The following DCC variants were observed in gnomAD, a reference collection of about 807,000 sequenced individuals.
The protein encoded by DCC is DCC netrin 1 receptor, also known as netrin receptor DCC.
In DCC, 58 loss-of-function variants were observed where a neutral mutation model predicts 172.5. The ratio of observed to expected loss-of-function variants is 0.34; its 90% CI spans 0.27 to 0.42. DCC has a LOEUF of 0.42. Ranked by LOEUF, DCC falls within the 10% of genes least tolerant of loss-of-function variation. DCC has a pLI of 1.00. For missense variants in DCC, 1,740 were observed against 1,791.0 expected, an observed-to-expected ratio of 0.97 and a Z score of 0.51; for synonymous variants, 709 against 644.5, an observed-to-expected ratio of 1.10 and a Z score of -1.52.
intron 13 of DCC, among the ~76,000 whole-genome samples, chr18:53,321,065 C>T (rs1300667525): frequency 3.3e-5 from 5 of 152,152 alleles, no homozygotes; most frequent in Non-Finnish European, 7.4e-5. Flanking sequence ...AGTTTGAATT[C>T]CCCTTACTAC....
intron 3 of DCC, among the ~76,000 whole-genome samples, chr18:52,909,993 G>T (rs62099018): frequency 0.011 from 1,679 of 152,238 alleles, 18 homozygotes; most frequent in Non-Finnish European, 0.017. Flanking sequence ...CTTTTCAGGC[G>T]AACTGTATAT....
intron 1 of DCC, among the ~76,000 whole-genome samples, chr18:52,716,469 C>T (rs1163861552): frequency 7.2e-5 from 11 of 152,162 alleles, no homozygotes; most frequent in Non-Finnish European, 1.5e-4. Context: ...AGCTGCTCTG[C>T]TTGTTGAAAC....
At chr18:52,464,490 A>G (rs1198194425) in intron 1 of DCC, among the ~76,000 whole-genome samples, 5 of 152,194 alleles carry the variant, frequency 3.3e-5, no homozygotes, top group African/African-American at 4.8e-5. Flanking sequence ...TTAGGTACTA[A>G]GGATTGGTGA....
chr18:52,665,684 A>G (rs973077210), intron 1 of DCC, among the ~76,000 whole-genome samples: 3 of 152,222 alleles, frequency 2.0e-5, no homozygotes, highest in African/African-American at 7.2e-5. Flanking sequence ...TGTTTTGGTA[A>G]TTATAGTTTA....
intron 1 of DCC, among the ~76,000 whole-genome samples, chr18:52,640,855 G>GA (rs1342912666): frequency 1.3e-5 from 2 of 151,894 alleles, no homozygotes; most frequent in East Asian, 1.9e-4. Flanking sequence ...CATAGAATTA[G>GA]AAAAAACAAT....
intron 1 of DCC, among the ~76,000 whole-genome samples, chr18:52,483,488 C>G (rs2030057379): frequency 6.6e-6 from 1 of 152,010 alleles, no homozygotes; most frequent in Non-Finnish European, 1.5e-5. Flanking sequence ...CCTTATTTTA[C>G]TTATAAATAT....
intron 2 of DCC, among the ~76,000 whole-genome samples, chr18:52,884,644 T>G (rs2039543237): frequency 1.3e-5 from 2 of 152,234 alleles, no homozygotes. Flanking sequence ...ACAACTATTT[T>G]GAATTCTCTG....
intron 8 of DCC, among the ~76,000 whole-genome samples, chr18:53,178,738 A>G (rs1337229837): frequency 6.6e-6 from 1 of 152,192 alleles, no homozygotes; most frequent in African/African-American, 2.4e-5. Context: ...ATGGAAAATG[A>G]CATAATCTTA....
At chr18:53,296,220 T>C (rs1007603303) in intron 12 of DCC, among the ~76,000 whole-genome samples, 2 of 152,188 alleles carry the variant, frequency 1.3e-5, no homozygotes, top group Non-Finnish European at 2.9e-5. Context: ...CTTCTGCTTT[T>C]CTTTATTCTT....
chr18:52,455,350 C>T (rs1426726999), intron 1 of DCC, among the ~76,000 whole-genome samples: 2 of 152,096 alleles, frequency 1.3e-5, no homozygotes, highest in Non-Finnish European at 1.5e-5. Context: ...CTTGATTATT[C>T]AGAATCACCA....
chr18:52,473,141 C>T (rs1988994295), intron 1 of DCC, among the ~76,000 whole-genome samples: 1 of 152,130 alleles, frequency 6.6e-6, no homozygotes, highest in African/African-American at 2.4e-5. Context: ...CTTATTTCTG[C>T]CTGCTCATGG....
intron 2 of DCC, among the ~76,000 whole-genome samples, chr18:52,863,132 TACA>T (rs1318459461): frequency 1.3e-5 from 2 of 152,194 alleles, no homozygotes; most frequent in South Asian, 2.1e-4. Flanking sequence ...AAATACAATT[TACA>T]ACAACTTTTA....
At chr18:53,298,073 G>T (rs944840279) in intron 12 of DCC, among the ~76,000 whole-genome samples, 2 of 152,040 alleles carry the variant, frequency 1.3e-5, no homozygotes, top group Non-Finnish European at 2.9e-5. Flanking sequence ...TAATTTAAGC[G>T]ATCACTGGAA....
At chr18:53,471,251 C>T (rs760854612) in intron 25 of DCC, among the ~76,000 whole-genome samples, 2 of 152,162 alleles carry the variant, frequency 1.3e-5, no homozygotes, top group Non-Finnish European at 2.9e-5. Context: ...GTAATAATCA[C>T]ATCGTGGAGA....
At chr18:52,385,835 A>T (rs1033261376) in intron 1 of DCC, among the ~76,000 whole-genome samples, 3 of 152,086 alleles carry the variant, frequency 2.0e-5, no homozygotes, top group African/African-American at 7.2e-5. Context: ...TGCTTGGTAT[A>T]GTTGACAATT....
At chr18:52,466,813 C>T (rs1029455467) in intron 1 of DCC, among the ~76,000 whole-genome samples, 1 of 152,144 alleles carries the variant, frequency 6.6e-6, no homozygotes, top group African/African-American at 2.4e-5. Flanking sequence ...ACTGAATGCT[C>T]ACTCTATGCC....
At chr18:53,485,682 T>C (rs2045892263) in intron 25 of DCC, among the ~76,000 whole-genome samples, 1 of 152,106 alleles carries the variant, frequency 6.6e-6, no homozygotes, top group African/African-American at 2.4e-5. Flanking sequence ...ATAGCTAGTT[T>C]ACTAGAAGCA....
chr18:53,106,103 A>G (rs1413112803), intron 7 of DCC, among the ~76,000 whole-genome samples: 1 of 151,746 alleles, frequency 6.6e-6, no homozygotes, highest in Non-Finnish European at 1.5e-5. Context: ...AGTTAGGGGA[A>G]GCTAATAAAA....
intron 1 of DCC, among the ~76,000 whole-genome samples, chr18:52,689,628 A>T (rs754935929): frequency 7.2e-5 from 11 of 152,174 alleles, no homozygotes; most frequent in Non-Finnish European, 1.3e-4. Flanking sequence ...TCCTCAGTAT[A>T]TAAAGGCAGA....
Sources: allele counts gnomAD v4.1 joint callset (sites outside exome capture counted in the v4.1 genomes callset), GRCh38; gene constraint gnomAD v4.1.1; transcripts MANE v1.5; gene names NCBI Gene and HGNC (gene_info 2026-07-23, HGNC 2026-07-21).